Variants in ANKFN1 observed in about 807,000 individuals in gnomAD.
The protein encoded by ANKFN1 is ankyrin repeat and fibronectin type III domain containing 1.
In ANKFN1, 74 loss-of-function variants were observed where a neutral mutation model predicts 108.7. The observed-to-expected ratio is 0.68, with a 90% CI of 0.56 to 0.83. The LOEUF (loss-of-function observed/expected upper bound fraction) is 0.83. Among genes scored for constraint, ANKFN1 ranks in the 40% least tolerant of loss-of-function variants. ANKFN1 has a pLI of 0.00. For synonymous variants in ANKFN1, 547 were observed against 516.2 expected (o/e 1.06, Z -0.81); for missense variants, 1,505 against 1,382.3 (o/e 1.09, Z -1.41).
intron 15 of ANKFN1, chr17:56,472,191 T>C (rs2050340869): frequency 6.6e-6 from 1 of 152,230 alleles, no homozygotes; most frequent in South Asian, 2.1e-4. Context: ...TTTTCAGTGT[T>C]TTGAAGAGAA....
chr17:56,047,758 A>C (rs1298797548), intron 4 of ANKFN1, among the ~76,000 whole-genome samples: 1 of 152,146 alleles, frequency 6.6e-6, no homozygotes, highest in Non-Finnish European at 1.5e-5. Flanking sequence ...TGGCCATCCA[A>C]GTGGACAGGG....
intron 16 of ANKFN1, 90 bp from the exon 17 acceptor site, chr17:56,480,578 T>G: frequency 7.3e-7 from 1 of 1,363,626 alleles, no homozygotes; most frequent in East Asian, 2.3e-5. Flanking sequence ...GCATTGGTTA[T>G]CCAGGTTCTG....
chr17:56,089,927 A>G (rs910830048), intron 4 of ANKFN1, among the ~76,000 whole-genome samples: 7 of 151,370 alleles, frequency 4.6e-5, no homozygotes, highest in Non-Finnish European at 7.4e-5. Flanking sequence ...TACTACCACC[A>G]TGGCAAGAGA....
rs553275644 is a variant in ANKFN1 at position 56,225,353 on chromosome 17, A to G, written c.13-2564A>G. Among the ~76,000 whole-genome samples, 28 of 152,306 alleles carry G rather than the reference A, an allele frequency of 1.8e-4. No homozygotes were observed. The South Asian group carries it at 5.4e-3, about 29-fold the overall frequency. On this transcript the variant is annotated intron_variant, in intron 2 of 20. Coordinates refer to ENST00000682825, the MANE Select transcript of ANKFN1 (RefSeq NM_001370326.1). ...CTCCATATTATTAACTATTATTATT[A>G]AATATGAATTTTTTACCAGATGCTA... is the stretch of plus-strand genomic sequence containing the variant.
chr17:56,322,480 T>C (rs1295583698), intron 3 of ANKFN1, among the ~76,000 whole-genome samples: 2 of 152,214 alleles, frequency 1.3e-5, no homozygotes, highest in African/African-American at 4.8e-5. Context: ...CTGTCACCTA[T>C]GGCATAACAT....
chr17:56,170,908 C>T (rs946523526), intron 1 of ANKFN1, among the ~76,000 whole-genome samples: 7 of 150,398 alleles, frequency 4.7e-5, no homozygotes, highest in African/African-American at 1.7e-4. Flanking sequence ...CACCGCCATA[C>T]ACACATACAT....
intron 1 of ANKFN1, among the ~76,000 whole-genome samples, chr17:56,155,356 C>T (rs554542720): frequency 6.6e-6 from 1 of 152,328 alleles, no homozygotes; most frequent in African/African-American, 2.4e-5. Flanking sequence ...TGAGACAAGG[C>T]TTCTCACTGC....
At chr17:56,140,243 A>G (rs1272156240) in intron 4 of ANKFN1, among the ~76,000 whole-genome samples, 1 of 152,054 alleles carries the variant, frequency 6.6e-6, no homozygotes, top group East Asian at 1.9e-4. Context: ...TTTCATATCT[A>G]GTTAGTCACC....
At chr17:56,336,292 G>A (rs529299244) in intron 4 of ANKFN1, among the ~76,000 whole-genome samples, 2 of 152,260 alleles carry the variant, frequency 1.3e-5, no homozygotes, top group South Asian at 4.1e-4. Context: ...CAGAAGGAAT[G>A]GTACCAGCTC....
intron 20 of ANKFN1, among the ~76,000 whole-genome samples, chr17:56,503,495 A>ATATATG (rs2051446438): frequency 2.8e-5 from 1 of 35,584 alleles, no homozygotes; most frequent in Non-Finnish European, 8.5e-5. Flanking sequence ...TCATATATAT[A>ATATATG]TATATATATA....
chr17:56,359,468 A>G (rs540633978), intron 6 of ANKFN1, among the ~76,000 whole-genome samples: 1 of 151,986 alleles, frequency 6.6e-6, no homozygotes, highest in East Asian at 1.9e-4. Context: ...CCTTTCCCTT[A>G]GCTACATTCT....
chr17:56,211,532 G>C (rs761882532), intron 1 of ANKFN1, among the ~76,000 whole-genome samples: 1 of 152,142 alleles, frequency 6.6e-6, no homozygotes, highest in Non-Finnish European at 1.5e-5. Flanking sequence ...TTTGAAGTCA[G>C]GTAATGTAAT....
intron 3 of ANKFN1, 70 bp from the exon 4 acceptor site, chr17:56,326,151 A>T: frequency 6.6e-7 from 1 of 1,516,594 alleles, no homozygotes; most frequent in Non-Finnish European, 8.8e-7. Flanking sequence ...TTGCATTAAG[A>T]GTATCTTCAT....
At chr17:56,120,882 C>A (rs1368349708) in intron 4 of ANKFN1, among the ~76,000 whole-genome samples, 1 of 152,120 alleles carries the variant, frequency 6.6e-6, no homozygotes, top group Non-Finnish European at 1.5e-5. Context: ...CGGTTTGATA[C>A]CTATAACCCT....
intron 8 of ANKFN1, among the ~76,000 whole-genome samples, chr17:56,379,471 G>A (rs1369105002): frequency 1.3e-5 from 2 of 151,670 alleles, no homozygotes; most frequent in East Asian, 3.9e-4. Flanking sequence ...ACTCTATAGT[G>A]AGTTCGATGT....
intron 4 of ANKFN1, among the ~76,000 whole-genome samples, chr17:56,065,895 G>T (rs913382243): frequency 3.3e-5 from 5 of 152,134 alleles, no homozygotes; most frequent in African/African-American, 9.7e-5. Flanking sequence ...TTAAAAAATG[G>T]CCCCAATAGA....
chr17:56,184,477 C>T (rs1159342021), intron 1 of ANKFN1, among the ~76,000 whole-genome samples: 3 of 152,124 alleles, frequency 2.0e-5, no homozygotes, highest in East Asian at 1.9e-4. Flanking sequence ...CTTTTATATG[C>T]ACTGGGAAAC....
intron 8 of ANKFN1, among the ~76,000 whole-genome samples, chr17:56,377,696 T>G (rs2046981618): frequency 1.3e-5 from 2 of 152,192 alleles, no homozygotes; most frequent in Admixed American, 6.5e-5. Flanking sequence ...CATTTGCAGA[T>G]TATGTCATTT....
rs537102636 is a variant in ANKFN1, at chr17:56,330,271, A to G, written c.188+3916A>G. ...CAGAAGGCAAAGGAGAAGCAAAGGC[A>G]TATCTTACATGGCGGCAGGCAAGAG... On this transcript the variant is annotated intron_variant, in intron 4 of 20. Coordinates refer to ENST00000682825, the MANE Select transcript of ANKFN1 (RefSeq NM_001370326.1). Among the ~76,000 whole-genome samples the G allele has an allele frequency of 2.2e-4, 17 of 75,908 alleles. No individual in the cohort carries two copies. The East Asian group carries it at 0.01, about 45-fold the overall frequency. 49.8% of individuals were successfully genotyped at this position (75,908 alleles called of 152,430 possible).
Sources: allele counts gnomAD v4.1 joint callset (sites outside exome capture counted in the v4.1 genomes callset), GRCh38; gene constraint gnomAD v4.1.1; transcripts MANE v1.5; gene names NCBI Gene and HGNC (gene_info 2026-07-23, HGNC 2026-07-21).